CNTNAP2: variants seen among roughly 807,000 people sequenced by gnomAD.
CNTNAP2 encodes contactin-associated protein-like 2.
CNTNAP2 carries 98 observed loss-of-function variants against 155.2 expected under a neutral mutation model. The ratio of observed to expected loss-of-function variants is 0.63; its 90% CI spans 0.54 to 0.75. The LOEUF (loss-of-function observed/expected upper bound fraction) is 0.75, where lower values mean the gene tolerates loss of function less well. CNTNAP2 is among the 30% of genes least tolerant of loss of function. The probability of loss-of-function intolerance (pLI) is 0.00; values close to 1 mark genes in which losing one functional copy is unlikely to be tolerated. For synonymous variants in CNTNAP2, 651 were observed against 631.2 expected, an observed-to-expected ratio of 1.03 and a Z score of -0.47; for missense variants, 1,727 against 1,688.1, an observed-to-expected ratio of 1.02 and a Z score of -0.40.
intron 4 of CNTNAP2, among the ~76,000 whole-genome samples, chr7:147,091,039 T>C (rs1318083648): frequency 5.3e-5 from 8 of 152,034 alleles, no homozygotes; most frequent in African/African-American, 1.2e-4. Context: ...ATTTCTGTAG[T>C]TGAAGGGAGA....
intron 9 of CNTNAP2, among the ~76,000 whole-genome samples, chr7:147,374,232 GCAA>G (rs1021268543): frequency 5.3e-5 from 8 of 151,954 alleles, no homozygotes; most frequent in African/African-American, 1.7e-4. Context: ...AAGGTAAAAA[GCAA>G]CTAACGTTAT....
At chr7:147,252,979 T>G (rs568694433) in intron 8 of CNTNAP2, among the ~76,000 whole-genome samples, 1 of 152,324 alleles carries the variant, frequency 6.6e-6, no homozygotes, top group South Asian at 2.1e-4. Context: ...AATTCACTAG[T>G]TGATATCCTG....
chr7:148,283,254 A>AGAAAAG (rs1554411723), intron 21 of CNTNAP2, among the ~76,000 whole-genome samples: 3 of 64,054 alleles, frequency 4.7e-5, no homozygotes, highest in Non-Finnish European at 5.8e-5. Flanking sequence ...AAAAAAAAAA[A>AGAAAAG]AAAAGAAAGA....
chr7:148,107,836 G>A (rs1390167988), intron 15 of CNTNAP2, among the ~76,000 whole-genome samples: 1 of 152,192 alleles, frequency 6.6e-6, no homozygotes, highest in Non-Finnish European at 1.5e-5. Flanking sequence ...TACATTGGAA[G>A]GTGTTTGCCA....
intron 8 of CNTNAP2, among the ~76,000 whole-genome samples, chr7:147,205,863 T>C (rs1803014741): frequency 6.6e-6 from 1 of 152,082 alleles, no homozygotes; most frequent in African/African-American, 2.4e-5. Context: ...ATTAATTTAT[T>C]GCATATTTCA....
chr7:148,225,034 A>G (rs1795821563), intron 19 of CNTNAP2, among the ~76,000 whole-genome samples: 1 of 152,200 alleles, frequency 6.6e-6, no homozygotes, highest in Admixed American at 6.5e-5. Flanking sequence ...GCCAAACCAT[A>G]TCAGAGACCA....
intron 13 of CNTNAP2, among the ~76,000 whole-genome samples, chr7:147,796,841 T>C (rs1430325357): frequency 6.6e-6 from 1 of 152,154 alleles, no homozygotes; most frequent in African/African-American, 2.4e-5. Flanking sequence ...TCTTTAAAAA[T>C]GCACCAGTCC....
intron 13 of CNTNAP2, among the ~76,000 whole-genome samples, chr7:147,731,310 T>C (rs1306623499): frequency 6.6e-6 from 1 of 152,074 alleles, no homozygotes; most frequent in Non-Finnish European, 1.5e-5. Flanking sequence ...ACAGACCTTG[T>C]TAGGTTACTT....
intron 21 of CNTNAP2, among the ~76,000 whole-genome samples, chr7:148,274,051 G>A (rs1274130669): frequency 6.6e-6 from 1 of 152,140 alleles, no homozygotes; most frequent in Non-Finnish European, 1.5e-5. Context: ...TCTGGCCAGA[G>A]TTATGAATGG....
intron 1 of CNTNAP2, among the ~76,000 whole-genome samples, chr7:146,353,736 A>G (rs1794956446): frequency 6.6e-6 from 1 of 152,100 alleles, no homozygotes; most frequent in Admixed American, 6.6e-5. Context: ...CAAAGGTAGT[A>G]GCAGCACTGG....
rs1032723048 is a variant in CNTNAP2 at position 147,473,507 on chromosome 7, AT to A, written c.1671-12419del. ...GTCGAGGGTCCAATTACCTTCCTGA[AT>A]TTTTTTTTAATGTAAGTAATTTGTT... On this transcript the variant is annotated intron_variant, in intron 10 of 23. Transcript: ENST00000361727. Among the ~76,000 whole-genome samples the A allele has an allele frequency of 1.3e-3, 197 of 151,478 alleles. 1 individual carries two copies. Among genetic ancestry groups the A allele is most frequent in the African/African-American group, 4.1e-3 (170 of 41,336 alleles).
intron 10 of CNTNAP2, among the ~76,000 whole-genome samples, chr7:147,448,840 C>A (rs543156452): frequency 6.6e-6 from 1 of 152,108 alleles, no homozygotes; most frequent in African/African-American, 2.4e-5. Context: ...AGTTGGCAAC[C>A]TTGGGTGACT....
chr7:147,325,249 G>A (rs947317056), intron 9 of CNTNAP2, among the ~76,000 whole-genome samples: 6 of 152,134 alleles, frequency 3.9e-5, no homozygotes, highest in African/African-American at 1.4e-4. Flanking sequence ...GCAGTGAGCC[G>A]AGATCGCGCC....
At chr7:148,047,074 G>A (rs1460670858) in intron 15 of CNTNAP2, among the ~76,000 whole-genome samples, 3 of 152,066 alleles carry the variant, frequency 2.0e-5, no homozygotes, top group Non-Finnish European at 2.9e-5. Flanking sequence ...TACCTTTCTC[G>A]AAACCAGGCT....
At chr7:147,931,222 A>G (rs1483995324) in intron 14 of CNTNAP2, among the ~76,000 whole-genome samples, 1 of 151,864 alleles carries the variant, frequency 6.6e-6, no homozygotes, top group Non-Finnish European at 1.5e-5. Context: ...AAAAAATAGA[A>G]AAACTTGAAG....
intron 14 of CNTNAP2, among the ~76,000 whole-genome samples, chr7:147,953,324 C>T (rs1800967403): frequency 6.6e-6 from 1 of 152,130 alleles, no homozygotes; most frequent in Admixed American, 6.5e-5. Context: ...AAGACAAGCT[C>T]ATGTAGTCAA....
intron 1 of CNTNAP2, among the ~76,000 whole-genome samples, chr7:146,641,321 G>A (rs933807886): frequency 1.2e-4 from 18 of 152,054 alleles, no homozygotes; most frequent in African/African-American, 2.7e-4. Context: ...GCGAGACTCC[G>A]TCTCAAAAAA....
At chr7:146,183,640 A>AATAATAAT (rs1798582215) in intron 1 of CNTNAP2, among the ~76,000 whole-genome samples, 1 of 150,684 alleles carries the variant, frequency 6.6e-6, no homozygotes, top group Non-Finnish European at 1.5e-5. Flanking sequence ...TAATAATAAT[A>AATAATAAT]AATGTGTCAC....
intron 10 of CNTNAP2, among the ~76,000 whole-genome samples, chr7:147,472,426 T>G (rs2116611432): frequency 6.6e-6 from 1 of 152,146 alleles, no homozygotes; most frequent in Admixed American, 6.5e-5. Context: ...TTGGCCAGGC[T>G]GGTCTCAAAC....
Sources: gnomAD v4.1 joint callset for allele counts (sites outside exome capture counted in the v4.1 genomes callset) on GRCh38, gnomAD v4.1.1 for gene constraint, MANE v1.5 for transcripts, NCBI Gene and HGNC (gene_info 2026-07-23, HGNC 2026-07-21) for gene names.